URGCP: variants seen among roughly 807,000 people sequenced by gnomAD.
URGCP encodes the protein up-regulator of cell proliferation.
URGCP carries 13 observed loss-of-function variants against 24.6 expected under a neutral mutation model. The observed-to-expected ratio is 0.53, with a 90% CI of 0.34 to 0.84. URGCP has a LOEUF of 0.84. Ranked by LOEUF, URGCP falls within the 40% of genes least tolerant of loss-of-function variation. The pLI is 0.01. For synonymous variants in URGCP, 444 were observed against 487.2 expected, an observed-to-expected ratio of 0.91 and a Z score of 1.17; for missense variants, 899 against 1,194.3, an observed-to-expected ratio of 0.75 and a Z score of 3.64.
chr7:43,881,479 T>TG (rs2095853715), intron 5 of URGCP, among the ~76,000 whole-genome samples, 180 bp downstream of exon 5: 1 of 149,802 alleles, frequency 6.7e-6, no homozygotes, highest in African/African-American at 2.5e-5. Context: ...CCAGGGTTTT[T>TG]TTTTTTTTTT....
At position 43,878,964 on chromosome 7, in the gene URGCP, C is replaced by T. The variant is rs200962522; in HGVS notation, c.499G>A (p.Asp167Asn). 1.2e-5 allele frequency: 20 copies of T among 1,614,182 alleles called. No homozygotes were observed. The highest frequency in any genetic ancestry group is 4.5e-5 in the East Asian group (2 of 44,884). The change falls in exon 6 of 6, where the codon GAC (aspartate) becomes AAC (asparagine). Residue 167 changes from aspartate to asparagine, a missense_variant. Transcript: ENST00000453200. The surrounding 1 kb of genome is among the most constrained non-coding windows in gnomAD (Gnocchi z 5.6). The part of the protein sequence containing the change: ...YWDPADDLAA[D>N]IYSFSELPTP... ...GGCAGCTCAGAAAAGGAATAAATGTCGGCAGCAAGGTCATCAGCTGGGTCC... is the reference window on the plus strand; with the variant it reads ...GGCAGCTCAGAAAAGGAATAAATGTTGGCAGCAAGGTCATCAGCTGGGTCC...
At chr7:43,914,932 A>G (rs1374293447) in intron 1 of URGCP, among the ~76,000 whole-genome samples, 2 of 152,204 alleles carry the variant, frequency 1.3e-5, no homozygotes, top group African/African-American at 4.8e-5. Context: ...GTCCCTTAAC[A>G]CAAATGCAGT....
intron 1 of URGCP, among the ~76,000 whole-genome samples, chr7:43,903,049 C>T (rs536869782): frequency 2.0e-5 from 3 of 149,528 alleles, no homozygotes; most frequent in Non-Finnish European, 4.4e-5. Context: ...TTTGGGAGGC[C>T]GAGACAGGAG....
At chr7:43,887,761 C>A in intron 2 of URGCP, 29 bp downstream of exon 2, 1 of 1,548,668 alleles carries the variant, frequency 6.5e-7, no homozygotes, top group South Asian at 1.2e-5. Context: ...CAAATACAGT[C>A]ATTCAGAAAG....
intron 1 of URGCP, among the ~76,000 whole-genome samples, chr7:43,913,271 C>T (rs55823216): frequency 0.29 from 44,053 of 151,052 alleles, 7,057 homozygotes; most frequent in South Asian, 0.49. Context: ...TGCAGTGGCG[C>T]GAACTCGGCT....
chr7:43,905,194 C>A (rs1213018402), intron 1 of URGCP, among the ~76,000 whole-genome samples: 1 of 151,686 alleles, frequency 6.6e-6, no homozygotes, highest in Non-Finnish European at 1.5e-5. Flanking sequence ...AAATGCACCA[C>A]TATTTTTTTT....
intron 3 of URGCP, among the ~76,000 whole-genome samples, chr7:43,884,461 G>A (rs2095859140): frequency 6.6e-6 from 1 of 152,184 alleles, no homozygotes; most frequent in African/African-American, 2.4e-5. Context: ...GGATAGGCCA[G>A]GCCCTACCAC....
upstream of URGCP, among the ~76,000 whole-genome samples, chr7:43,910,482 G>A (rs953057535): frequency 7.1e-6 from 1 of 140,530 alleles, no homozygotes; most frequent in Non-Finnish European, 1.5e-5. Context: ...ACCTGCCTCA[G>A]CCTCCCATAG....
At chr7:43,925,596 T>G (rs1296976866) in intron 1 of URGCP, among the ~76,000 whole-genome samples, 1 of 152,074 alleles carries the variant, frequency 6.6e-6, no homozygotes, top group South Asian at 2.1e-4. Context: ...GCCTCCTGGG[T>G]TCAAGTGATT....
At chr7:43,882,604 T>G (rs1317803886) in intron 3 of URGCP, among the ~76,000 whole-genome samples, 1 of 147,632 alleles carries the variant, frequency 6.8e-6, no homozygotes, top group African/African-American at 2.5e-5. Flanking sequence ...CAAGACCCTG[T>G]CTCAAAAAAA....
chr7:43,922,860 T>C (rs745914072), intron 1 of URGCP, among the ~76,000 whole-genome samples: 1 of 152,130 alleles, frequency 6.6e-6, no homozygotes, highest in Non-Finnish European at 1.5e-5. Context: ...GGATTATAGA[T>C]GTAAGCCACC....
chr7:43,882,135 A>G (rs536866940), intron 3 of URGCP, 178 bp from the exon 4 acceptor site: 2 of 1,076,992 alleles, frequency 1.9e-6, no homozygotes, highest in Middle Eastern at 3.3e-4. Context: ...CTGTGTCTAC[A>G]AAGACTTTTT....
intron 1 of URGCP, among the ~76,000 whole-genome samples, chr7:43,915,006 G>A (rs1585838076): frequency 6.6e-6 from 1 of 152,218 alleles, no homozygotes; most frequent in East Asian, 1.9e-4. Flanking sequence ...AATGGGGGTG[G>A]AGCCACCAGG....
chr7:43,921,839 G>T (rs893791954), intron 1 of URGCP, among the ~76,000 whole-genome samples: 2 of 152,038 alleles, frequency 1.3e-5, no homozygotes, highest in African/African-American at 4.8e-5. Flanking sequence ...ATTCAAAAGG[G>T]TATTATGTTT....
intron 1 of URGCP, among the ~76,000 whole-genome samples, chr7:43,900,327 C>A (rs531319314): frequency 6.6e-6 from 1 of 151,012 alleles, no homozygotes; most frequent in Non-Finnish European, 1.5e-5. Flanking sequence ...TGGTGGTGCA[C>A]GCCTGTAATC....
chr7:43,923,281 C>CTTTT (rs374239475), intron 1 of URGCP, among the ~76,000 whole-genome samples: 2 of 134,818 alleles, frequency 1.5e-5, no homozygotes, highest in Non-Finnish European at 1.6e-5. Flanking sequence ...TGTGCCCAGC[C>CTTTT]TTTTTTTTTT....
chr7:43,920,060 G>A lies in URGCP; in HGVS notation c.-116+6072C>T, dbSNP rs1000984165. On this transcript the variant is annotated intron_variant, in intron 1 of 5. Transcript: ENST00000426198. ...CTCCTGGGGCACCCAGGAGCAGTGAGTCCCCTAGGACAGGGACCCTCATCT... is the reference window on the plus strand; with the variant it reads ...CTCCTGGGGCACCCAGGAGCAGTGAATCCCCTAGGACAGGGACCCTCATCT... 3.1e-6 allele frequency: 4 copies of A among 1,301,010 alleles called. No individual in the cohort carries two copies. The South Asian group carries it at 3.6e-5, about 12-fold the overall frequency. The allele number at this position is 1,301,010 out of a possible 1,614,324, so 80.6% of individuals were successfully genotyped here. A position where few individuals can be genotyped will look rare whatever the true frequency, so the allele number is the denominator to read the frequency against.
At chr7:43,893,343 A>AT (rs1390425082) in intron 1 of URGCP, among the ~76,000 whole-genome samples, 3 of 151,972 alleles carry the variant, frequency 2.0e-5, no homozygotes, top group African/African-American at 7.2e-5. Context: ...AAAAATATGT[A>AT]TTTTTTTAAA....
intron 1 of URGCP, among the ~76,000 whole-genome samples, chr7:43,889,889 C>T (rs2095867825): frequency 6.6e-6 from 1 of 151,080 alleles, no homozygotes; most frequent in Non-Finnish European, 1.5e-5. Context: ...AAACATTCTA[C>T]TTTTATTACT....
Sources: allele counts gnomAD v4.1 joint callset (sites outside exome capture counted in the v4.1 genomes callset), GRCh38; gene constraint gnomAD v4.1.1; non-coding constraint Gnocchi (gnomAD v3.1); transcripts MANE v1.5; gene names NCBI Gene and HGNC (gene_info 2026-07-23, HGNC 2026-07-21).